Variants in CTNND2 observed in about 807,000 individuals in gnomAD.
CTNND2 encodes the protein catenin delta 2.
Under a neutral mutation model 144.4 loss-of-function variants are expected in CTNND2, and 22 were observed. The observed-to-expected ratio is 0.15, with a 90% CI of 0.11 to 0.22. CTNND2 has a LOEUF of 0.22. Among genes scored for constraint, CTNND2 ranks in the 10% least tolerant of loss-of-function variants. CTNND2 has a pLI of 1.00. For missense variants in CTNND2, 1,353 were observed against 1,618.8 expected, an observed-to-expected ratio of 0.84 and a Z score of 2.82; for synonymous variants, 751 against 695.6, an observed-to-expected ratio of 1.08 and a Z score of -1.25.
chr5:11,815,860 C>T (rs1792603287), intron 1 of CTNND2, among the ~76,000 whole-genome samples: 1 of 152,178 alleles, frequency 6.6e-6, no homozygotes, highest in Admixed American at 6.5e-5. Context: ...CAAGTGGTGG[C>T]TCTGTTCCTT....
chr5:11,749,899 A>G (rs13154780), intron 1 of CTNND2, among the ~76,000 whole-genome samples: 2,897 of 152,122 alleles, frequency 0.019, 37 homozygotes, highest in Non-Finnish European at 0.027. Flanking sequence ...GGTTTCAAGT[A>G]TTTCTCTTAA....
At chr5:11,810,869 TA>T (rs879499069) in intron 1 of CTNND2, among the ~76,000 whole-genome samples, 11 of 151,606 alleles carry the variant, frequency 7.3e-5, no homozygotes, top group African/African-American at 1.7e-4. Context: ...CCTATTTTTT[TA>T]AAAAAAAAGA....
intron 7 of CTNND2, among the ~76,000 whole-genome samples, chr5:11,369,222 G>T (rs886212756): frequency 1.3e-5 from 2 of 152,144 alleles, no homozygotes; most frequent in African/African-American, 4.8e-5. Flanking sequence ...CATAAGGAAA[G>T]AAAACACTGA....
rs569226305 is a variant in CTNND2 at position 11,900,911 on chromosome 5, C to G, written c.37+2906G>C. ...GTTAAGTCTTTTAAAAATAAAAACT[C>G]TGTTAGGAAAAGTGAGACTAGCATC... On this transcript the variant is annotated intron_variant, in intron 1 of 21. Coordinates refer to ENST00000304623, the MANE Select transcript of CTNND2 (RefSeq NM_001332.4). Among the ~76,000 whole-genome samples the G allele has an allele frequency of 2.0e-5, 3 of 152,248 alleles. No individual in the cohort carries two copies. In the East Asian group the frequency reaches 5.8e-4, roughly 29 times the overall value.
chr5:11,469,001 G>A (rs1463737338), intron 3 of CTNND2, among the ~76,000 whole-genome samples: 1 of 152,052 alleles, frequency 6.6e-6, no homozygotes, highest in Admixed American at 6.6e-5. Flanking sequence ...AACTCTCTAC[G>A]CTCAAGCAGG....
At chr5:11,492,872 A>G (rs1769572524) in intron 3 of CTNND2, among the ~76,000 whole-genome samples, 1 of 152,068 alleles carries the variant, frequency 6.6e-6, no homozygotes, top group Non-Finnish European at 1.5e-5. Flanking sequence ...GGAGAGTAAG[A>G]CCAGTATGGC....
Position 11,735,480 on chromosome 5 carries a change from G to T in CTNND2, c.38-3208C>A, listed in dbSNP as rs545067096. Reference sequence around the variant, plus strand: ...GAGAAAGCCGCCGTGACCTTCTATTGCCACCTCTCTCCATGTCCATGGGTT... The same window carrying T: ...GAGAAAGCCGCCGTGACCTTCTATTTCCACCTCTCTCCATGTCCATGGGTT... On this transcript the variant is annotated intron_variant, in intron 1 of 21. Transcript: ENST00000304623. 3.0e-4 allele frequency among the ~76,000 whole-genome samples: 46 copies of T among 152,222 alleles called. No individual in the cohort carries two copies. The Middle Eastern group carries it at 0.01, about 34-fold the overall frequency.
chr5:11,744,614 C>T (rs1788199427), intron 1 of CTNND2, among the ~76,000 whole-genome samples: 1 of 151,938 alleles, frequency 6.6e-6, no homozygotes, highest in South Asian at 2.1e-4. Context: ...CGAAACACTG[C>T]CAGAGAAGAA....
intron 2 of CTNND2, among the ~76,000 whole-genome samples, chr5:11,585,484 A>ATCTATATCTATC (rs143081845): frequency 3.3e-5 from 5 of 149,994 alleles, no homozygotes; most frequent in African/African-American, 9.8e-5. Context: ...TTATCTATGT[A>ATCTATATCTATC]TATCTATCTA....
intron 2 of CTNND2, among the ~76,000 whole-genome samples, chr5:11,669,104 G>C (rs62340160): frequency 6.6e-6 from 1 of 152,128 alleles, no homozygotes; most frequent in South Asian, 2.1e-4. Flanking sequence ...TTGAATCCCA[G>C]GGATGAAGCC....
chr5:11,365,504 G>A (rs1379317751), intron 7 of CTNND2, among the ~76,000 whole-genome samples: 1 of 152,184 alleles, frequency 6.6e-6, no homozygotes, highest in Admixed American at 6.5e-5. Flanking sequence ...CATTTAGCCT[G>A]CCTCTCTCTG....
chr5:11,467,860 A>G (rs1397274036), intron 3 of CTNND2, among the ~76,000 whole-genome samples: 1 of 152,234 alleles, frequency 6.6e-6, no homozygotes, highest in East Asian at 1.9e-4. Flanking sequence ...TAACACATAC[A>G]TAGTACTTTA....
chr5:11,421,253 C>T lies in CTNND2; in HGVS notation c.288-9184G>A, dbSNP rs913426302. On this transcript the variant is annotated intron_variant, in intron 3 of 21. Coordinates refer to ENST00000304623, the MANE Select transcript of CTNND2 (RefSeq NM_001332.4). ...AGCTCCAGTTCTGAGAAGTTCCCTGCCCATTCCCAGAAAAGATATGAATAT... is the reference window on the plus strand; with the variant it reads ...AGCTCCAGTTCTGAGAAGTTCCCTGTCCATTCCCAGAAAAGATATGAATAT... Among the ~76,000 whole-genome samples the T allele has an allele frequency of 5.9e-5, 9 of 152,142 alleles. No homozygotes were observed. In the East Asian group the frequency reaches 1.7e-3, roughly 29 times the overall value.
chr5:11,205,351 G>GA (rs1737932202), intron 10 of CTNND2, among the ~76,000 whole-genome samples: 1 of 152,156 alleles, frequency 6.6e-6, no homozygotes, highest in African/African-American at 2.4e-5. Context: ...TTAAAAAGAA[G>GA]ATAAGGGAAT....
At chr5:11,513,928 C>T (rs189411182) in intron 3 of CTNND2, among the ~76,000 whole-genome samples, 181 of 152,158 alleles carry the variant, frequency 1.2e-3, no homozygotes, top group African/African-American at 4.2e-3. Context: ...CCTTTGACTC[C>T]GCAATTCCAT....
chr5:11,369,502 T>C (rs940430548), intron 7 of CTNND2, among the ~76,000 whole-genome samples: 2 of 152,234 alleles, frequency 1.3e-5, no homozygotes, highest in African/African-American at 4.8e-5. Flanking sequence ...TTTATTATTT[T>C]TGGAACGATT....
rs765074687 is a variant in CTNND2 at position 11,236,694 on chromosome 5, G to A, written c.1758C>T (p.Ala586=). 3.7e-6 allele frequency: 6 copies of A among 1,614,070 alleles called. No homozygotes were observed. Among genetic ancestry groups the A allele is most frequent in the South Asian group, 3.3e-5 (3 of 91,066 alleles). ...TCAGAATCCAAGGAGCACTGACCTC[G>A]GCTTTAATTTTGTTGTCTCCAAAAC... The part of the protein sequence containing the change: ...HLCFGDNKIK[A]EIRRQGGIQL... Residue 586 remains alanine, a synonymous_variant, in exon 10 of 22, where the codon GCC becomes GCT. Coordinates refer to ENST00000304623, the MANE Select transcript of CTNND2 (RefSeq NM_001332.4).
At chr5:11,050,428 G>A (rs1745715552) in intron 16 of CTNND2, among the ~76,000 whole-genome samples, 1 of 152,136 alleles carries the variant, frequency 6.6e-6, no homozygotes, top group Non-Finnish European at 1.5e-5. Flanking sequence ...ACCAGAAGGA[G>A]AAAAACTAAT....
rs187243138 is a variant in CTNND2, at chr5:11,295,612, A to C, written c.1628+50760T>G. On this transcript the variant is annotated intron_variant, in intron 9 of 21. Coordinates refer to ENST00000304623, the MANE Select transcript of CTNND2 (RefSeq NM_001332.4). ...ACAAGGCTACAGTAACCAAAACAGCATGGTACTGGTACCAAAACAGAGATA... is the reference window on the plus strand; with the variant it reads ...ACAAGGCTACAGTAACCAAAACAGCCTGGTACTGGTACCAAAACAGAGATA... 1.5e-3 allele frequency among the ~76,000 whole-genome samples: 225 copies of C among 152,358 alleles called. 1 individual carries two copies. Among genetic ancestry groups the C allele is most frequent in the Non-Finnish European group, 2.6e-3 (177 of 68,030 alleles).
Sources: gnomAD v4.1 joint callset for allele counts (sites outside exome capture counted in the v4.1 genomes callset) on GRCh38, gnomAD v4.1.1 for gene constraint, MANE v1.5 for transcripts, NCBI Gene and HGNC (gene_info 2026-07-23, HGNC 2026-07-21) for gene names.